ALDH4A1: variants seen among roughly 807,000 people sequenced by gnomAD.
ALDH4A1 encodes aldehyde dehydrogenase 4 family member A1, also known as delta-1-pyrroline-5-carboxylate dehydrogenase, mitochondrial.
ALDH4A1 carries 46 observed loss-of-function variants against 70.5 expected under a neutral mutation model. The observed-to-expected ratio is 0.65, with a 90% CI of 0.51 to 0.83. The LOEUF (loss-of-function observed/expected upper bound fraction) is 0.83, where lower values mean the gene tolerates loss of function less well. Ranked by LOEUF, ALDH4A1 falls within the 40% of genes least tolerant of loss-of-function variation. The pLI is 0.00. For missense variants in ALDH4A1, 749 were observed against 766.5 expected (o/e 0.98, Z 0.27); for synonymous variants, 323 against 324.3 (o/e 1.00, Z 0.04).
intron 1 of ALDH4A1, among the ~76,000 whole-genome samples, chr1:18,897,348 G>C (rs1202954510): frequency 1.3e-5 from 2 of 152,166 alleles, no homozygotes; most frequent in Admixed American, 6.5e-5. Flanking sequence ...TTCTAGACCA[G>C]CCTGGCCAAC....
intron 5 of ALDH4A1, 46 bp downstream of exon 5, chr1:18,885,427 T>TTCCCCCCCCCCCCCC: frequency 4.6e-5 from 30 of 650,914 alleles, no homozygotes; most frequent in Non-Finnish European, 3.5e-5. Context: ...CACACCTGAC[T>TTCCCCCCCCCCCCCC]CCCACCCCAC....
intron 1 of ALDH4A1, among the ~76,000 whole-genome samples, chr1:18,899,736 G>A (rs1935738198): frequency 6.6e-6 from 1 of 152,182 alleles, no homozygotes; most frequent in African/African-American, 2.4e-5. Context: ...AAAGTAAATG[G>A]CAGTCATTGT....
rs1382668696 is a variant in ALDH4A1, at chr1:18,879,382, A to C, written c.867-9T>G. 6.2e-7 allele frequency: 1 copy of C among 1,608,896 alleles called. No homozygotes were observed. Among genetic ancestry groups the C allele is most frequent in the African/African-American group, 1.3e-5 (1 of 74,982 alleles). ...ACAGGTGTTTGAAGGTGCTGGAACC[A>C]CAGGAGAAAGGGTGGGGTTCAGGGA... On this transcript the variant is annotated splice_polypyrimidine_tract_variant and intron_variant, in intron 8 of 14. Transcript: ENST00000375341.
intron 1 of ALDH4A1, among the ~76,000 whole-genome samples, chr1:18,895,823 C>A (rs1456193353): frequency 6.6e-6 from 1 of 152,216 alleles, no homozygotes; most frequent in African/African-American, 2.4e-5. Flanking sequence ...GCCATGCCAG[C>A]CCTGCTCCAG....
At chr1:18,901,992 T>C (rs944088251) in intron 1 of ALDH4A1, among the ~76,000 whole-genome samples, 2 of 138,730 alleles carry the variant, frequency 1.4e-5, no homozygotes, top group Non-Finnish European at 3.0e-5. Flanking sequence ...GAGGTAGAAA[T>C]CCTGGTAGAA....
Position 18,890,034 on chromosome 1 carries a change from G to A in ALDH4A1, c.134C>T (p.Pro45Leu), listed in dbSNP as rs745381608. The A allele has an allele frequency of 7.4e-6, 12 of 1,612,018 alleles. No homozygotes were observed. ...TACCTTTTGCAGGGCATCTCGCTCA[G>A]GGCTGCCCTGCGTGAAGGCTAAGAC... is the stretch of plus-strand genomic sequence containing the variant. Reference protein sequence around the residue: ...EPVLAFTQGSPERDALQKALK... With the variant: ...EPVLAFTQGSLERDALQKALK... Residue 45 changes from proline to leucine, a missense_variant, in exon 2 of 15, where the codon CCT (proline) becomes CTT (leucine). Transcript: ENST00000375341.
intron 1 of ALDH4A1, 119 bp downstream of exon 1, chr1:18,902,343 A>G: frequency 1.2e-6 from 1 of 853,812 alleles, no homozygotes; most frequent in South Asian, 2.7e-5. Flanking sequence ...CCCGGCGTTG[A>G]CCGAGGCAGC....
At chr1:18,893,754 T>G (rs9426745) in intron 1 of ALDH4A1, among the ~76,000 whole-genome samples, 273 of 152,318 alleles carry the variant, frequency 1.8e-3, no homozygotes, top group South Asian at 0.014. Flanking sequence ...TCCACCCGCC[T>G]TGGCCTCCCA....
At chr1:18,882,533 A>C in intron 7 of ALDH4A1, 1 of 524,590 alleles carries the variant, frequency 1.9e-6, no homozygotes. Flanking sequence ...AATACCATCA[A>C]CCCCGAGAGA....
At chr1:18,875,341 C>G (rs374557498) in intron 13 of ALDH4A1, 41 bp downstream of exon 13, 1 of 1,613,498 alleles carries the variant, frequency 6.2e-7, no homozygotes, top group African/African-American at 1.3e-5. Flanking sequence ...ACGGACAGGA[C>G]ACCCGGAGCA....
At chr1:18,892,476 G>A (rs2100599654) in intron 1 of ALDH4A1, among the ~76,000 whole-genome samples, 1 of 152,124 alleles carries the variant, frequency 6.6e-6, no homozygotes, top group Non-Finnish European at 1.5e-5. Flanking sequence ...GGTCAGGGAA[G>A]GCCTCTCTGA....
Position 18,886,485 on chromosome 1 carries a change from G to GGC in ALDH4A1, c.274_275dup (p.Lys93ProfsTer27). 2 of 1,614,168 alleles carry GGC rather than the reference G, an allele frequency of 1.2e-6. No homozygotes were observed. The highest frequency in any genetic ancestry group is 1.7e-6 in the Non-Finnish European group (2 of 1,180,032). On this transcript the variant is annotated frameshift_variant, in exon 4 of 15. Coordinates refer to ENST00000375341, the MANE Select transcript of ALDH4A1 (RefSeq NM_003748.4). LOFTEE classifies it high-confidence loss of function. ...TCACCTTGTCTGCATAACAGAACTT[G>GGC]GCCACCTTATGTCCATGGTTAAAAG...
intron 11 of ALDH4A1, among the ~76,000 whole-genome samples, chr1:18,876,786 G>A (rs1350308461): frequency 6.6e-6 from 1 of 151,810 alleles, no homozygotes; most frequent in African/African-American, 2.4e-5. Flanking sequence ...ACATGTCTAA[G>A]CATGTAGGGA....
In ALDH4A1 at chr1:18,882,664, C is replaced by T. The variant is rs757312891; in HGVS notation, c.678+460G>A. ...GGCAAAGAGGCAGAGTCACAACTCC[C>T]TCTCGAAGCTGCTGAGAGGATGAAA... On this transcript the variant is annotated intron_variant, in intron 7 of 14. Coordinates refer to ENST00000375341, the MANE Select transcript of ALDH4A1 (RefSeq NM_003748.4). 3 of 543,534 alleles carry T rather than the reference C, an allele frequency of 5.5e-6. No homozygotes were observed. In the Admixed American group the frequency reaches 5.8e-5, roughly 10 times the overall value. The allele number at this position is 543,534 out of a possible 1,614,324, so 33.7% of individuals were successfully genotyped here. A position where few individuals can be genotyped will look rare whatever the true frequency, so the allele number is the denominator to read the frequency against.
chr1:18,876,661 C>CTGTGTGTGTGTATG (rs1553153211), intron 11 of ALDH4A1, among the ~76,000 whole-genome samples, 194 bp from the exon 12 acceptor site: 1 of 146,732 alleles, frequency 6.8e-6, no homozygotes, highest in Non-Finnish European at 1.5e-5. Context: ...GACATGAACA[C>CTGTGTGTGTGTATG]TGTGTGTGTG....
chr1:18,892,832 T>C (rs541807157), intron 1 of ALDH4A1, among the ~76,000 whole-genome samples: 2 of 152,278 alleles, frequency 1.3e-5, no homozygotes, highest in African/African-American at 4.8e-5. Flanking sequence ...ATATGGAGAT[T>C]TGATAACGAT....
chr1:18,883,259 C>A lies in ALDH4A1; in HGVS notation c.603+20G>T. The A allele has an allele frequency of 1.2e-6, 2 of 1,613,156 alleles. No homozygotes were observed. Among genetic ancestry groups the A allele is most frequent in the Non-Finnish European group, 1.7e-6 (2 of 1,180,012 alleles). Reference sequence around the variant, plus strand: ...GCATTGGGCTGCCCCGCCTGCTCGCCCACTGCCTCCTGCAGGTACCTCCAG... The same window carrying A: ...GCATTGGGCTGCCCCGCCTGCTCGCACACTGCCTCCTGCAGGTACCTCCAG... On this transcript the variant is annotated intron_variant, in intron 6 of 14. Coordinates refer to ENST00000375341, the MANE Select transcript of ALDH4A1 (RefSeq NM_003748.4).
chr1:18,899,502 A>C (rs902395274), intron 1 of ALDH4A1, among the ~76,000 whole-genome samples: 1 of 152,258 alleles, frequency 6.6e-6, no homozygotes, highest in Non-Finnish European at 1.5e-5. Flanking sequence ...CTGTTTCCAA[A>C]GAGAACTGAG....
chr1:18,883,208 G>C lies in ALDH4A1; in HGVS notation c.604-10C>G, dbSNP rs1935055473. Reference sequence around the variant, plus strand: ...TGGCCGCCACGAAGCCCTGGGGAAGGAGGCAGCGGTGAGATCAGGCCCATG... The same window carrying C: ...TGGCCGCCACGAAGCCCTGGGGAAGCAGGCAGCGGTGAGATCAGGCCCATG... On this transcript the variant is annotated splice_polypyrimidine_tract_variant and intron_variant, in intron 6 of 14. Coordinates refer to ENST00000375341, the MANE Select transcript of ALDH4A1 (RefSeq NM_003748.4). 1 of 1,613,178 alleles carries C rather than the reference G, an allele frequency of 6.2e-7. No individual in the cohort carries two copies. The highest frequency in any genetic ancestry group is 1.3e-5 in the African/African-American group (1 of 75,078).
Sources: gnomAD v4.1 joint callset for allele counts (sites outside exome capture counted in the v4.1 genomes callset) on GRCh38, gnomAD v4.1.1 for gene constraint, MANE v1.5 for transcripts, NCBI Gene and HGNC (gene_info 2026-07-23, HGNC 2026-07-21) for gene names.